The following SLC5A7 variants were observed in gnomAD, a reference collection of about 807,000 sequenced individuals.
The protein encoded by SLC5A7 is solute carrier family 5 member 7.
In SLC5A7, 19 loss-of-function variants were observed where a neutral mutation model predicts 55.4. The ratio of observed to expected loss-of-function variants is 0.34; its 90% confidence interval spans 0.24 to 0.50. SLC5A7 has a LOEUF of 0.50. Ranked by LOEUF, SLC5A7 falls within the 20% of genes least tolerant of loss-of-function variation. The probability of loss-of-function intolerance (pLI) is 0.98; values close to 1 mark genes in which losing one functional copy is unlikely to be tolerated. For synonymous variants in SLC5A7, 265 were observed against 263.7 expected (o/e 1.00, Z -0.05); for missense variants, 506 against 705.3 (o/e 0.72, Z 3.20).
rs1456847110 is a variant in SLC5A7 at position 107,992,234 on chromosome 2, A to T, written c.292+15A>T. On this transcript the variant is annotated intron_variant, in intron 3 of 8. Transcript: ENST00000264047. ...TCTGATTTTAGGTAAGTGAAAGTGC[A>T]AATCTCAGTGACTCACTCAGTAAAG... 1 of 1,496,412 alleles carries T rather than the reference A, an allele frequency of 6.7e-7. No individual in the cohort carries two copies. The highest frequency in any genetic ancestry group is 9.3e-7 in the Non-Finnish European group (1 of 1,072,984). The allele number at this position is 1,496,412 out of a possible 1,614,324, so 92.7% of individuals were successfully genotyped here.
At chr2:108,005,662 G>A (rs750994477) in intron 6 of SLC5A7, among the ~76,000 whole-genome samples, 1 of 152,126 alleles carries the variant, frequency 6.6e-6, no homozygotes, top group Admixed American at 6.6e-5. Context: ...CAAGATCAAG[G>A]TGCCGGCAGA....
rs2104384818 is a variant in SLC5A7, at chr2:108,010,966, G to A, written c.*105G>A. The A allele has an allele frequency of 1.7e-6, 2 of 1,197,918 alleles. No homozygotes were observed. Among genetic ancestry groups the A allele is most frequent in the Non-Finnish European group, 2.2e-6 (2 of 907,404 alleles). 74.2% of individuals were successfully genotyped at this position (1,197,918 alleles called of 1,614,324 possible). On this transcript the variant is annotated 3_prime_UTR_variant, in exon 9 of 9. Coordinates refer to ENST00000264047, the MANE Select transcript of SLC5A7 (RefSeq NM_021815.5). Reference sequence around the variant, plus strand: ...AAAATATATTAAAAATATAAACAATGTTCAGGAGAGTAAAAATTCATATAA... The same window carrying A: ...AAAATATATTAAAAATATAAACAATATTCAGGAGAGTAAAAATTCATATAA...
intron 5 of SLC5A7, among the ~76,000 whole-genome samples, chr2:107,998,212 G>T (rs1420468677): frequency 6.6e-6 from 1 of 152,120 alleles, no homozygotes; most frequent in Non-Finnish European, 1.5e-5. Flanking sequence ...TGTTAGAAAG[G>T]TCTAGGTCTT....
chr2:107,998,303 G>A lies in SLC5A7; in HGVS notation c.597+317G>A, dbSNP rs1677757307. Among the ~76,000 whole-genome samples the A allele has an allele frequency of 4.6e-5, 7 of 152,286 alleles. No individual in the cohort carries two copies. In the South Asian group the frequency reaches 1.5e-3, roughly 32 times the overall value. The stretch of plus-strand genomic sequence containing the variant: ...TTAAGGCAATCCATTTCCCTCGGCA[G>A]AGATAACAAAATTCAAACCTTAGTG... On this transcript the variant is annotated intron_variant, in intron 5 of 8. Coordinates refer to ENST00000264047, the MANE Select transcript of SLC5A7 (RefSeq NM_021815.5).
chr2:107,995,470 AGTGT>A (rs57328827), intron 4 of SLC5A7, among the ~76,000 whole-genome samples: 44,410 of 136,962 alleles, frequency 0.32, 8,027 homozygotes, highest in East Asian at 0.46. Context: ...AGAGAGAGAG[AGTGT>A]GTGTGTGTGT....
intron 6 of SLC5A7, among the ~76,000 whole-genome samples, chr2:108,003,283 A>G (rs1388085898): frequency 6.6e-6 from 1 of 152,212 alleles, no homozygotes; most frequent in Admixed American, 6.5e-5. Context: ...CAATAATCAC[A>G]TCATTGTCTG....
rs1248009607 is a variant in SLC5A7, at chr2:108,010,532, A to G, written c.1414A>G (p.Ile472Val). The G allele has an allele frequency of 1.2e-6, 2 of 1,613,658 alleles. No homozygotes were observed. The highest frequency in any genetic ancestry group is 2.7e-5 in the African/African-American group (2 of 74,890). Residue 472 changes from isoleucine (I) to valine (V), a missense_variant, in exon 9 of 9, where the codon ATA (isoleucine) becomes GTA (valine). Coordinates refer to ENST00000264047, the MANE Select transcript of SLC5A7 (RefSeq NM_021815.5). Reference sequence around the variant, plus strand: ...TGGCTATTACCCTGATGATAATGGTATATATAATCAGAAATTTCCATTTAA... The same window carrying G: ...TGGCTATTACCCTGATGATAATGGTGTATATAATCAGAAATTTCCATTTAA... ...YPGYYPDDNG[I>V]YNQKFPFKTL...
chr2:108,007,878 C>G (rs1678183760), intron 7 of SLC5A7, among the ~76,000 whole-genome samples: 1 of 152,110 alleles, frequency 6.6e-6, no homozygotes, highest in Non-Finnish European at 1.5e-5. Context: ...GTCTTCTTAC[C>G]CTACCCACAA....
chr2:108,002,844 C>T (rs1244866605), intron 6 of SLC5A7, among the ~76,000 whole-genome samples: 1 of 151,690 alleles, frequency 6.6e-6, no homozygotes, highest in East Asian at 1.9e-4. Context: ...ATAGCAGGAC[C>T]CCATCTCTAT....
intron 3 of SLC5A7, among the ~76,000 whole-genome samples, 195 bp from the exon 4 acceptor site, chr2:107,992,777 T>C (rs371992650): frequency 6.6e-6 from 1 of 152,228 alleles, no homozygotes; most frequent in African/African-American, 2.4e-5. Context: ...ACACATACAA[T>C]GGTAAGTGTA....
At chr2:107,990,530 T>A (rs1677416634) in intron 2 of SLC5A7, among the ~76,000 whole-genome samples, 1 of 152,230 alleles carries the variant, frequency 6.6e-6, no homozygotes, top group Non-Finnish European at 1.5e-5. Flanking sequence ...AAAGCCATTT[T>A]AAAAATTTCA....
Position 107,997,851 on chromosome 2 carries a change from C to A in SLC5A7, c.462C>A (p.Ser154Arg). 6.2e-7 allele frequency: 1 copy of A among 1,608,826 alleles called. No individual in the cohort carries two copies. Among genetic ancestry groups the A allele is most frequent in the Non-Finnish European group, 8.5e-7 (1 of 1,177,284 alleles). Residue 154 changes from serine to arginine, a missense_variant, in exon 5 of 9, where the codon AGC becomes AGA. By Grantham distance (110) the Ser-to-Arg change is moderately radical. Coordinates refer to ENST00000264047, the MANE Select transcript of SLC5A7 (RefSeq NM_021815.5). ...AIFSALGATI[S>R]VIIDVDMHIS... Reference sequence around the variant, plus strand: ...TGTTTGTTTCAGGAGCCACCATCAGCGTGATCATCGATGTGGATATGCACA... The same window carrying A: ...TGTTTGTTTCAGGAGCCACCATCAGAGTGATCATCGATGTGGATATGCACA...
Position 107,992,091 on chromosome 2 carries a change from T to C in SLC5A7, c.179-15T>C. On this transcript the variant is annotated splice_polypyrimidine_tract_variant and intron_variant, in intron 2 of 8. Transcript: ENST00000264047. ...GTAAGACAGTATCACTCCCTCACTT[T>C]TCATTCTGTTTCAGCTACCTGGGTC... 1 of 1,571,132 alleles carries C rather than the reference T, an allele frequency of 6.4e-7. No homozygotes were observed. The highest frequency in any genetic ancestry group is 1.3e-5 in the African/African-American group (1 of 74,246).
chr2:107,999,382 AG>A (rs569516756), intron 5 of SLC5A7, among the ~76,000 whole-genome samples: 99 of 152,366 alleles, frequency 6.5e-4, no homozygotes, highest in Non-Finnish European at 1.0e-3. Context: ...ACACAACCCC[AG>A]GGAATGAACC....
In SLC5A7 at chr2:108,012,327, A is replaced by G. The variant is rs1434161020; in HGVS notation, c.*1466A>G. On this transcript the variant is annotated 3_prime_UTR_variant, in exon 9 of 9. Coordinates refer to ENST00000264047, the MANE Select transcript of SLC5A7 (RefSeq NM_021815.5). ...ATCAGGGAATCTGATCCCATAAAGA[A>G]AGTGAGTCTGAATTGTTGAAACTAA... The G allele has an allele frequency of 6.6e-6, 1 of 152,168 alleles. No individual in the cohort carries two copies. Among genetic ancestry groups the G allele is most frequent in the Non-Finnish European group, 1.5e-5 (1 of 68,032 alleles). 9.4% of individuals were successfully genotyped at this position (152,168 alleles called of 1,614,324 possible). A position where few individuals can be genotyped will look rare whatever the true frequency, so the allele number is the denominator to read the frequency against.
At chr2:107,991,131 G>T (rs576737674) in intron 2 of SLC5A7, among the ~76,000 whole-genome samples, 1 of 152,122 alleles carries the variant, frequency 6.6e-6, no homozygotes, top group Non-Finnish European at 1.5e-5. Flanking sequence ...GCATTACATT[G>T]TCTATTCAGA....
At chr2:108,003,507 C>G (rs1010193204) in intron 6 of SLC5A7, among the ~76,000 whole-genome samples, 10 of 152,124 alleles carry the variant, frequency 6.6e-5, no homozygotes, top group Non-Finnish European at 8.8e-5. Context: ...AATGAATGAA[C>G]TATAGAAATT....
rs1678299533 is a variant in SLC5A7, at chr2:108,010,794, A to G, written c.1676A>G (p.Asn559Ser). Reference protein sequence around the residue: ...QSMTLSSTFTNKEAFLDVDSS... With the variant: ...QSMTLSSTFTSKEAFLDVDSS... Reference sequence around the variant, plus strand: ...ATGACCCTCAGCTCAACTTTCACCAATAAAGAGGCCTTCCTTGATGTTGAT... The same window carrying G: ...ATGACCCTCAGCTCAACTTTCACCAGTAAAGAGGCCTTCCTTGATGTTGAT... The change falls in exon 9 of 9, where the codon AAT becomes AGT. Residue 559 changes from asparagine to serine, a missense_variant. By Grantham distance (46) the Asn-to-Ser change is conservative (BLOSUM62 1). This residue lies in a region of SLC5A7 where 137 missense variants were observed against 143.6 expected (regional missense o/e 0.95). Coordinates refer to ENST00000264047, the MANE Select transcript of SLC5A7 (RefSeq NM_021815.5). The G allele has an allele frequency of 1.2e-6, 2 of 1,612,948 alleles. No individual in the cohort carries two copies. Among genetic ancestry groups the G allele is most frequent in the East Asian group, 2.2e-5 (1 of 44,878 alleles).
At position 108,006,158 on chromosome 2, in the gene SLC5A7, T is replaced by C. The variant is rs764681648; in HGVS notation, c.851T>C (p.Met284Thr). The C allele has an allele frequency of 6.2e-7, 1 of 1,613,982 alleles. No individual in the cohort carries two copies. The highest frequency in any genetic ancestry group is 1.1e-5 in the South Asian group (1 of 91,088). Residue 284 changes from methionine to threonine, a missense_variant, in exon 7 of 9, where the codon ATG becomes ACG. Coordinates refer to ENST00000264047, the MANE Select transcript of SLC5A7 (RefSeq NM_021815.5). The stretch of plus-strand genomic sequence containing the variant: ...CTGGCAGCTTTCGGGTGCCTGGTGA[T>C]GGCCATCCCAGCCATACTCATTGGG... ...SFLAAFGCLV[M>T]AIPAILIGAI...
Sources: gnomAD v4.1 joint callset for allele counts (sites outside exome capture counted in the v4.1 genomes callset) on GRCh38, gnomAD v4.1.1 for gene constraint, gnomAD v4.1.1 regional missense constraint, MANE v1.5 for transcripts, NCBI Gene and HGNC (gene_info 2026-07-23, HGNC 2026-07-21) for gene names.